Variants in PPFIBP1 observed in about 807,000 individuals in gnomAD.
PPFIBP1 encodes the protein PPFIB scaffold protein 1.
A neutral mutation model predicts 137.8 loss-of-function variants in PPFIBP1; 112 were observed. That is an observed-to-expected ratio of 0.81 (90% CI 0.70 to 0.95). The LOEUF is 0.95. Ranked by LOEUF, PPFIBP1 falls within the 40% of genes least tolerant of loss-of-function variation. The pLI is 0.00. For missense variants in PPFIBP1, 1,083 were observed against 1,196.6 expected, an observed-to-expected ratio of 0.91 and a Z score of 1.40; for synonymous variants, 378 against 417.3, an observed-to-expected ratio of 0.91 and a Z score of 1.15.
chr12:27,623,924 T>C (rs1310640819), intron 2 of PPFIBP1, among the ~76,000 whole-genome samples: 3 of 152,134 alleles, frequency 2.0e-5, no homozygotes, highest in Non-Finnish European at 4.4e-5. Flanking sequence ...GCGGAGCAGA[T>C]AGCAGAAATA....
chr12:27,604,854 G>A (rs778714551), intron 2 of PPFIBP1, among the ~76,000 whole-genome samples: 1 of 152,208 alleles, frequency 6.6e-6, no homozygotes, highest in Non-Finnish European at 1.5e-5. Context: ...GGCTGGGGAG[G>A]CCTCACAATC....
intron 1 of PPFIBP1, among the ~76,000 whole-genome samples, 170 bp from the exon 2 acceptor site, chr12:27,577,982 G>A (rs2050714635): frequency 6.6e-6 from 1 of 152,124 alleles, no homozygotes; most frequent in Non-Finnish European, 1.5e-5. Context: ...GAAGAAGGAG[G>A]ATAGGAGAGA....
At chr12:27,600,829 T>C (rs185684339) in intron 2 of PPFIBP1, among the ~76,000 whole-genome samples, 216 of 152,366 alleles carry the variant, frequency 1.4e-3, no homozygotes, top group African/African-American at 5.0e-3. Flanking sequence ...GTATTCTTTT[T>C]CTTTTATTAA....
intron 2 of PPFIBP1, among the ~76,000 whole-genome samples, chr12:27,616,414 T>C (rs1397336344): frequency 6.6e-6 from 1 of 151,896 alleles, no homozygotes; most frequent in Non-Finnish European, 1.5e-5. Flanking sequence ...GGGGGTGATG[T>C]TCAGGTGGCA....
chr12:27,688,359 G>A lies in PPFIBP1; in HGVS notation c.2432G>A (p.Arg811His), dbSNP rs369668351. ...WTNHRVMEWL[R>H]SVDLAEYAPN... is the part of the protein sequence containing the mutation. The stretch of plus-strand genomic sequence containing the variant: ...AACCATCGAGTGATGGAGTGGCTGC[G>A]CTCCGTGGACTTGGCAGAATATGCG... Residue 811 changes from arginine (R) to histidine (H), a missense_variant, in exon 26 of 30, where the codon CGC (arginine) becomes CAC (histidine). By Grantham distance (29) the Arg-to-His change is conservative. Coordinates refer to ENST00000228425, the MANE Select transcript of PPFIBP1 (RefSeq NM_003622.4). The A allele has an allele frequency of 1.6e-4, 255 of 1,613,990 alleles. 1 individual carries two copies. The highest frequency in any genetic ancestry group is 2.0e-4 in the Non-Finnish European group (235 of 1,179,996).
At chr12:27,598,955 G>T (rs555312779) in intron 2 of PPFIBP1, among the ~76,000 whole-genome samples, 1 of 152,192 alleles carries the variant, frequency 6.6e-6, no homozygotes, top group Non-Finnish European at 1.5e-5. Flanking sequence ...TGAAGTTTTA[G>T]AAATGATAGT....
chr12:27,646,384 G>T, intron 5 of PPFIBP1: 1 of 546,550 alleles, frequency 1.8e-6, no homozygotes, highest in Non-Finnish European at 3.5e-6. Context: ...GTCTGAATAC[G>T]GGCACAATGT....
In PPFIBP1 at chr12:27,664,582, T is replaced by C. The variant is rs1002889060; in HGVS notation, c.991+136T>C. ...GTAGCTAATTCGTTAATTGAACAAT[T>C]AGGCAACTGTACTCTGCCAGAAAGT... On this transcript the variant is annotated intron_variant, in intron 12 of 29. Transcript: ENST00000228425. The C allele has an allele frequency of 1.4e-5, 9 of 656,646 alleles. No homozygotes were observed. In the Middle Eastern group the frequency reaches 1.0e-3, roughly 74 times the overall value. 40.7% of individuals were successfully genotyped at this position (656,646 alleles called of 1,614,324 possible).
chr12:27,550,337 G>A (rs996297023), intron 1 of PPFIBP1, among the ~76,000 whole-genome samples: 1 of 152,120 alleles, frequency 6.6e-6, no homozygotes, highest in Non-Finnish European at 1.5e-5. Context: ...TTTTTTGTAA[G>A]CTGCTCCAGC....
intron 2 of PPFIBP1, among the ~76,000 whole-genome samples, chr12:27,624,346 A>G (rs2056621943): frequency 1.3e-5 from 2 of 152,254 alleles, no homozygotes; most frequent in Non-Finnish European, 2.9e-5. Context: ...AAGAGTAGAT[A>G]TGGAGAATTG....
intron 2 of PPFIBP1, among the ~76,000 whole-genome samples, chr12:27,596,460 T>A (rs1326474383): frequency 6.6e-6 from 1 of 152,212 alleles, no homozygotes; most frequent in Non-Finnish European, 1.5e-5. Context: ...CCTGGATTAA[T>A]CCTGGAGGCT....
In PPFIBP1 at chr12:27,691,760, T is replaced by C. The variant is rs768600546; in HGVS notation, c.2697T>C (p.Leu899=). The part of the protein sequence containing the change: ...TATAKVKPKK[L]AFSNFGNLRK... ...CTTTTCTTTTAAAGCCAAAGAAACTTGCCTTTAGCAATTTTGGGAATTTGA... is the reference window on the plus strand; with the variant it reads ...CTTTTCTTTTAAAGCCAAAGAAACTCGCCTTTAGCAATTTTGGGAATTTGA... Residue 899 remains leucine, a synonymous_variant, in exon 28 of 30, where the codon CTT becomes CTC. Transcript: ENST00000228425. 3.7e-6 allele frequency: 6 copies of C among 1,608,908 alleles called. No individual in the cohort carries two copies. The South Asian group carries it at 6.7e-5, about 18-fold the overall frequency.
chr12:27,531,765 A>G (rs187442674), intron 1 of PPFIBP1, among the ~76,000 whole-genome samples: 3 of 152,114 alleles, frequency 2.0e-5, no homozygotes, highest in Admixed American at 2.0e-4. Flanking sequence ...TATAGCTACA[A>G]TCCCTTGACT....
At chr12:27,679,329 G>A (rs542376689) in intron 19 of PPFIBP1, among the ~76,000 whole-genome samples, 160 bp from the exon 20 acceptor site, 6 of 152,316 alleles carry the variant, frequency 3.9e-5, no homozygotes, top group South Asian at 2.1e-4. Flanking sequence ...GGAGCAGAAC[G>A]TATATGTGTG....
intron 1 of PPFIBP1, among the ~76,000 whole-genome samples, chr12:27,554,060 A>C (rs1037892691): frequency 2.0e-5 from 3 of 152,232 alleles, no homozygotes; most frequent in African/African-American, 7.2e-5. Context: ...GCTTGACAGC[A>C]CCCATCTGGT....
chr12:27,609,144 A>C (rs371128608), intron 2 of PPFIBP1: 1 of 153,642 alleles, frequency 6.5e-6, no homozygotes, highest in South Asian at 2.0e-4. Context: ...GCTGCATCCG[A>C]GAACTACAAA....
At chr12:27,635,383 C>G in intron 4 of PPFIBP1, 1 of 581,986 alleles carries the variant, frequency 1.7e-6, no homozygotes, top group Non-Finnish European at 3.0e-6. Flanking sequence ...GAATGACCTA[C>G]TGTGGCTTAA....
chr12:27,577,254 C>T lies in PPFIBP1; in HGVS notation c.-123-898C>T, dbSNP rs554427815. Among the ~76,000 whole-genome samples the T allele has an allele frequency of 8.6e-5, 13 of 151,610 alleles. No individual in the cohort carries two copies. In the South Asian group the frequency reaches 2.7e-3, roughly 32 times the overall value. On this transcript the variant is annotated intron_variant, in intron 1 of 29. Transcript: ENST00000228425. The stretch of plus-strand genomic sequence containing the variant: ...TAAAAAATGTCCTCATGAAGGATAT[C>T]CATTAAGTTGTTGCAACCTTGGAGC...
intron 7 of PPFIBP1, chr12:27,654,329 A>G (rs2059064013): frequency 6.5e-6 from 1 of 153,476 alleles, no homozygotes. Flanking sequence ...TGGCTTTACT[A>G]AAGAATGTGG....
Sources: gnomAD v4.1 joint callset for allele counts (sites outside exome capture counted in the v4.1 genomes callset) on GRCh38, gnomAD v4.1.1 for gene constraint, MANE v1.5 for transcripts, NCBI Gene and HGNC (gene_info 2026-07-23, HGNC 2026-07-21) for gene names.